Variants in CNKSR2 observed in about 807,000 individuals in gnomAD.
The protein encoded by CNKSR2 is CNK homolog protein 2.
In CNKSR2, 14 loss-of-function variants were observed where a neutral mutation model predicts 84.4. That is an observed-to-expected ratio of 0.17 (90% CI 0.11 to 0.26). CNKSR2 has a LOEUF of 0.26. Ranked by LOEUF, CNKSR2 falls within the 10% of genes least tolerant of loss-of-function variation. The probability of loss-of-function intolerance (pLI) is 1.00; values close to 1 mark genes in which losing one functional copy is unlikely to be tolerated. For synonymous variants in CNKSR2, 275 were observed against 277.9 expected, an observed-to-expected ratio of 0.99 and a Z score of 0.10; for missense variants, 485 against 771.2, an observed-to-expected ratio of 0.63 and a Z score of 4.40.
chrX:21,545,287 G>A (rs762033881), intron 11 of CNKSR2, among the ~76,000 whole-genome samples: 28 of 112,072 alleles, frequency 2.5e-4, no homozygotes, highest in East Asian at 5.7e-4. Flanking sequence ...CGAACTGGGC[G>A]GAGCCCACCA....
At position 21,570,734 on chromosome X, in the gene CNKSR2, G is replaced by A; in HGVS notation, c.1608+7282G>A. Among the ~76,000 whole-genome samples, 2 of 112,297 alleles carry A rather than the reference G, an allele frequency of 1.8e-5. 1 individual carries two copies. The highest frequency in any genetic ancestry group is 7.4e-4 in the South Asian group (2 of 2,698). ...TAATTTTAATACTGTTGTTTCTCAG[G>A]GAATAGAGAAGCCTGAGGAGAGGAA... On this transcript the variant is annotated intron_variant, in intron 13 of 21. Coordinates refer to ENST00000379510, the MANE Select transcript of CNKSR2 (RefSeq NM_014927.5).
intron 1 of CNKSR2, among the ~76,000 whole-genome samples, chrX:21,397,727 T>G (rs2146979369): frequency 9.0e-6 from 1 of 111,251 alleles, no homozygotes; most frequent in African/African-American, 3.3e-5. Flanking sequence ...TGTTTTCAAA[T>G]AGCTAGAAGA....
intron 1 of CNKSR2, among the ~76,000 whole-genome samples, chrX:21,404,234 G>A (rs2090232190): frequency 9.0e-6 from 1 of 111,328 alleles, no homozygotes; most frequent in Admixed American, 9.6e-5. Context: ...AGGAGAAAGG[G>A]GGATGATGAG....
chrX:21,380,428 A>G (rs1157824238), intron 1 of CNKSR2, among the ~76,000 whole-genome samples: 1 of 104,135 alleles, frequency 9.6e-6, no homozygotes, highest in African/African-American at 3.6e-5. Context: ...ACCCTAGATT[A>G]GGGCTCAATT....
intron 11 of CNKSR2, among the ~76,000 whole-genome samples, chrX:21,545,695 C>T (rs1050202112): frequency 1.8e-5 from 2 of 111,940 alleles, no homozygotes; most frequent in African/African-American, 6.5e-5. Context: ...GGCAGGTGCC[C>T]CTCTGGGATG....
At chrX:21,597,449 T>A (rs1184383847) in intron 17 of CNKSR2, among the ~76,000 whole-genome samples, 2 of 112,130 alleles carry the variant, frequency 1.8e-5, no homozygotes, top group Admixed American at 9.5e-5. Flanking sequence ...AAGCCTGCCA[T>A]GGCCCACTAC....
At chrX:21,415,673 T>C (rs1227026496) in intron 1 of CNKSR2, among the ~76,000 whole-genome samples, 1 of 98,595 alleles carries the variant, frequency 1.0e-5, no homozygotes, top group Non-Finnish European at 2.0e-5. Flanking sequence ...CATTAGGAGA[T>C]ATACCTAATG....
At chrX:21,536,173 A>G (rs746569222) in intron 11 of CNKSR2, among the ~76,000 whole-genome samples, 1 of 111,378 alleles carries the variant, frequency 9.0e-6, no homozygotes, top group Admixed American at 9.5e-5. Context: ...ATTGATTTGC[A>G]TATGTTGAAC....
At chrX:21,482,971 C>T (rs896815257) in intron 5 of CNKSR2, among the ~76,000 whole-genome samples, 1 of 111,927 alleles carries the variant, frequency 8.9e-6, no homozygotes, top group African/African-American at 3.2e-5. Context: ...ATTTGAAAAT[C>T]TTAGTCTTTG....
At chrX:21,630,466 C>G (rs1299349320) in intron 20 of CNKSR2, among the ~76,000 whole-genome samples, 1 of 111,402 alleles carries the variant, frequency 9.0e-6, no homozygotes, top group Non-Finnish European at 1.9e-5. Flanking sequence ...GTCATTTAAT[C>G]CTTACAACAA....
At chrX:21,626,584 T>C (rs1252761322) in intron 20 of CNKSR2, among the ~76,000 whole-genome samples, 1 of 111,984 alleles carries the variant, frequency 8.9e-6, no homozygotes, top group African/African-American at 3.2e-5. Context: ...AATGTTACCT[T>C]CTCAGAGGAA....
intron 17 of CNKSR2, among the ~76,000 whole-genome samples, chrX:21,596,547 G>A (rs934860917): frequency 1.8e-5 from 2 of 111,106 alleles, no homozygotes; most frequent in Non-Finnish European, 3.8e-5. Flanking sequence ...ATTGTACCCA[G>A]GCATTTTTAA....
intron 11 of CNKSR2, among the ~76,000 whole-genome samples, chrX:21,546,237 T>A (rs1313473049): frequency 5.5e-5 from 6 of 108,746 alleles, no homozygotes; most frequent in African/African-American, 2.0e-4. Context: ...AATGACCTGA[T>A]GGAGCTGAAA....
At chrX:21,438,386 C>G (rs2090738211) in intron 3 of CNKSR2, among the ~76,000 whole-genome samples, 2 of 111,724 alleles carry the variant, frequency 1.8e-5, no homozygotes, top group South Asian at 7.4e-4. Flanking sequence ...TCATTTTATG[C>G]AGCACATGAC....
chrX:21,557,872 C>T (rs2092153414), intron 11 of CNKSR2, among the ~76,000 whole-genome samples: 1 of 111,297 alleles, frequency 9.0e-6, no homozygotes, highest in Non-Finnish European at 1.9e-5. Context: ...TATTTATGTT[C>T]ATTTACACAG....
intron 8 of CNKSR2, among the ~76,000 whole-genome samples, chrX:21,513,967 CA>C (rs2091701250): frequency 9.0e-6 from 1 of 111,260 alleles, no homozygotes; most frequent in South Asian, 3.8e-4. Flanking sequence ...TGCTTATTGC[CA>C]AAAGTTTAGG....
chrX:21,517,527 A>T lies in CNKSR2; in HGVS notation c.957+896A>T, dbSNP rs774113561. Among the ~76,000 whole-genome samples the T allele has an allele frequency of 3.6e-5, 4 of 111,233 alleles. No individual in the cohort carries two copies. In the East Asian group the frequency reaches 1.1e-3, roughly 32 times the overall value. On this transcript the variant is annotated intron_variant, in intron 9 of 21. Coordinates refer to ENST00000379510, the MANE Select transcript of CNKSR2 (RefSeq NM_014927.5). ...ACATCACTCTTCAGCATGAAACGTT[A>T]CTCTTAACATTGATAATATATTTAT... is the stretch of plus-strand genomic sequence containing the variant.
At chrX:21,628,510 C>T (rs1049239989) in intron 20 of CNKSR2, among the ~76,000 whole-genome samples, 5 of 111,845 alleles carry the variant, frequency 4.5e-5, no homozygotes, top group Non-Finnish European at 7.5e-5. Flanking sequence ...TGCATCCAGG[C>T]GTTTCCATAC....
At chrX:21,501,725 T>C in intron 8 of CNKSR2, 137 bp downstream of exon 8, 2 of 348,001 alleles carry the variant, frequency 5.7e-6, no homozygotes, top group Non-Finnish European at 1.0e-5. Context: ...ACTGAATATT[T>C]ATTCTTCTTA....
Sources: gnomAD v4.1 joint callset for allele counts (sites outside exome capture counted in the v4.1 genomes callset) on GRCh38, gnomAD v4.1.1 for gene constraint, MANE v1.5 for transcripts, NCBI Gene and HGNC (gene_info 2026-07-23, HGNC 2026-07-21) for gene names.